Variants in NRXN3 observed in about 807,000 individuals in gnomAD.
The protein encoded by NRXN3 is neurexin III.
NRXN3 carries 32 observed loss-of-function variants against 137.6 expected under a neutral mutation model. The observed-to-expected ratio is 0.23, with a 90% CI of 0.18 to 0.31. The LOEUF is 0.31. Among genes scored for constraint, NRXN3 ranks in the 10% least tolerant of loss-of-function variants. NRXN3 has a pLI of 1.00. For synonymous variants in NRXN3, 798 were observed against 784.5 expected, an observed-to-expected ratio of 1.02 and a Z score of -0.29; for missense variants, 1,574 against 2,062.5, an observed-to-expected ratio of 0.76 and a Z score of 4.59.
chr14:78,826,175 T>C (rs1470506042), intron 10 of NRXN3, among the ~76,000 whole-genome samples: 1 of 152,206 alleles, frequency 6.6e-6, no homozygotes, highest in African/African-American at 2.4e-5. Flanking sequence ...TAGTGCCAAA[T>C]AAAAATGTAA....
intron 16 of NRXN3, among the ~76,000 whole-genome samples, chr14:79,630,752 A>T (rs1275408541): frequency 1.3e-5 from 2 of 152,160 alleles, no homozygotes; most frequent in African/African-American, 2.4e-5. Flanking sequence ...TCCTTCTATA[A>T]ATAAAAAATT....
intron 9 of NRXN3, among the ~76,000 whole-genome samples, chr14:78,807,138 C>G (rs2098876516): frequency 6.6e-6 from 1 of 152,166 alleles, no homozygotes. Flanking sequence ...CTTTGAAACA[C>G]ACACAGAGAG....
chr14:79,315,935 T>A lies in NRXN3; in HGVS notation c.3263-151286T>A, dbSNP rs370903285. 3.9e-5 allele frequency among the ~76,000 whole-genome samples: 6 copies of A among 152,320 alleles called. No homozygotes were observed. The South Asian group carries it at 6.2e-4, about 16-fold the overall frequency. On this transcript the variant is annotated intron_variant, in intron 15 of 20. Coordinates refer to ENST00000335750, the MANE Select transcript of NRXN3 (RefSeq NM_001330195.2). ...GAGATATGGCCCTTTGGGGAGATGG[T>A]TAAATAAGAAATACATTTCCAGATG...
At chr14:79,427,663 C>T (rs1476796108) in intron 15 of NRXN3, among the ~76,000 whole-genome samples, 1 of 151,988 alleles carries the variant, frequency 6.6e-6, no homozygotes, top group African/African-American at 2.4e-5. Flanking sequence ...GAAACCCCAT[C>T]TCTACTAAAA....
chr14:79,227,739 C>CCTTCCTTCCT (rs2071222353), intron 15 of NRXN3, among the ~76,000 whole-genome samples: 1 of 63,790 alleles, frequency 1.6e-5, no homozygotes, highest in African/African-American at 5.8e-5. Context: ...TCTCCTTTCT[C>CCTTCCTTCCT]TCCTTCCTTC....
At chr14:78,223,555 C>G (rs2064110221) in intron 1 of NRXN3, among the ~76,000 whole-genome samples, 1 of 152,210 alleles carries the variant, frequency 6.6e-6, no homozygotes, top group Non-Finnish European at 1.5e-5. Context: ...ATTCAAACAT[C>G]TGGCTATCCT....
At chr14:79,711,844 G>A (rs1334674647) in intron 19 of NRXN3, among the ~76,000 whole-genome samples, 1 of 152,164 alleles carries the variant, frequency 6.6e-6, no homozygotes, top group Non-Finnish European at 1.5e-5. Context: ...TCCAATTAAT[G>A]ATGGATGATG....
chr14:79,284,343 CATATATATATATATATATATATATATAT>C (rs60596302), intron 15 of NRXN3, among the ~76,000 whole-genome samples: 867 of 65,110 alleles, frequency 0.013, 27 homozygotes, highest in Non-Finnish European at 0.019. Flanking sequence ...ACTAAAAATA[CATATATATATATATATATATATATATAT>C]ATATATATAT....
chr14:78,981,075 G>A (rs958914092), intron 14 of NRXN3, among the ~76,000 whole-genome samples: 2 of 152,134 alleles, frequency 1.3e-5, no homozygotes, highest in Non-Finnish European at 2.9e-5. Flanking sequence ...GGAATTTTAT[G>A]TTGGTTTGGA....
chr14:79,731,598 A>G (rs1259777687), intron 19 of NRXN3, among the ~76,000 whole-genome samples: 1 of 151,742 alleles, frequency 6.6e-6, no homozygotes, highest in Non-Finnish European at 1.5e-5. Flanking sequence ...ATTTCTAACT[A>G]GTGAACTCCT....
intron 15 of NRXN3, among the ~76,000 whole-genome samples, chr14:79,420,700 A>G (rs2095563701): frequency 6.6e-6 from 1 of 152,234 alleles, no homozygotes; most frequent in South Asian, 2.1e-4. Context: ...CCTAGAGTCA[A>G]ACATTCATGA....
At chr14:79,803,981 G>T (rs1376301006) in intron 19 of NRXN3, among the ~76,000 whole-genome samples, 1 of 147,222 alleles carries the variant, frequency 6.8e-6, no homozygotes, top group African/African-American at 2.5e-5. Context: ...GTATGTATGT[G>T]TATATATATA....
At chr14:79,335,653 A>T (rs2092196433) in intron 15 of NRXN3, among the ~76,000 whole-genome samples, 1 of 151,958 alleles carries the variant, frequency 6.6e-6, no homozygotes, top group Non-Finnish European at 1.5e-5. Context: ...TTATACAATG[A>T]TATATACTAT....
intron 15 of NRXN3, among the ~76,000 whole-genome samples, chr14:79,018,132 C>T (rs1183290915): frequency 6.6e-6 from 1 of 151,448 alleles, no homozygotes; most frequent in East Asian, 2.0e-4. Flanking sequence ...TGGTGGTAGG[C>T]ACCTGAAATC....
At chr14:78,744,891 A>C (rs995614078) in intron 8 of NRXN3, 1 of 152,236 alleles carries the variant, frequency 6.6e-6, no homozygotes, top group Non-Finnish European at 1.5e-5. Flanking sequence ...TCACCTTACC[A>C]TGATGACTTC....
intron 16 of NRXN3, among the ~76,000 whole-genome samples, chr14:79,596,582 C>T (rs962576676): frequency 1.5e-5 from 1 of 65,790 alleles, no homozygotes; most frequent in Non-Finnish European, 3.1e-5. Flanking sequence ...TGGACAGGAG[C>T]ACTCTCTCTT....
At chr14:78,418,018 A>C (rs1447463412) in intron 4 of NRXN3, among the ~76,000 whole-genome samples, 1 of 152,096 alleles carries the variant, frequency 6.6e-6, no homozygotes, top group Non-Finnish European at 1.5e-5. Flanking sequence ...CAGCCTCCCA[A>C]AGTGCTGGGA....
chr14:79,113,210 C>G (rs1256234257), intron 15 of NRXN3, among the ~76,000 whole-genome samples: 1 of 152,070 alleles, frequency 6.6e-6, no homozygotes, highest in Admixed American at 6.6e-5. Context: ...AAAAGCATTC[C>G]TGGTTGAGAA....
At chr14:79,681,644 C>G (rs1016008151) in intron 17 of NRXN3, among the ~76,000 whole-genome samples, 6 of 152,056 alleles carry the variant, frequency 3.9e-5, no homozygotes, top group Admixed American at 1.3e-4. Context: ...GTCTCACGGC[C>G]CACCCAGAAC....
Sources: allele counts gnomAD v4.1 joint callset (sites outside exome capture counted in the v4.1 genomes callset), GRCh38; gene constraint gnomAD v4.1.1; transcripts MANE v1.5; gene names NCBI Gene and HGNC (gene_info 2026-07-23, HGNC 2026-07-21).